Variants in PPP6R3 observed in about 807,000 individuals in gnomAD.
PPP6R3 encodes serine/threonine-protein phosphatase 6 regulatory subunit 3.
In PPP6R3, 38 loss-of-function variants were observed where a neutral mutation model predicts 110.7. That is an observed-to-expected ratio of 0.34 (90% CI 0.26 to 0.45). The LOEUF (loss-of-function observed/expected upper bound fraction) is 0.45, where lower values mean the gene tolerates loss of function less well. Among genes scored for constraint, PPP6R3 ranks in the 20% least tolerant of loss-of-function variants. The pLI, the probability that PPP6R3 is intolerant of heterozygous loss-of-function variation, is 1.00. For missense variants in PPP6R3, 870 were observed against 1,062.4 expected, an observed-to-expected ratio of 0.82 and a Z score of 2.52; for synonymous variants, 369 against 373.5, an observed-to-expected ratio of 0.99 and a Z score of 0.14.
At chr11:68,609,759 G>A (rs973237847) in intron 22 of PPP6R3, 145 bp from the exon 23 acceptor site, 114 of 1,549,090 alleles carry the variant, frequency 7.4e-5, no homozygotes, top group African/African-American at 1.4e-4. Context: ...TTGTGTGATC[G>A]TGCACCCTGC....
intron 21 of PPP6R3, among the ~76,000 whole-genome samples, chr11:68,603,103 A>G (rs943703253): frequency 7.9e-5 from 12 of 151,340 alleles, no homozygotes; most frequent in Non-Finnish European, 1.6e-4. Context: ...GCTGGGAGGG[A>G]TGTAGGCGAC....
intron 1 of PPP6R3, among the ~76,000 whole-genome samples, chr11:68,498,235 AT>A (rs1264001348): frequency 1.3e-5 from 2 of 152,206 alleles, no homozygotes; most frequent in Non-Finnish European, 2.9e-5. Flanking sequence ...ATGTTAATAC[AT>A]TTTAAAACTT....
At chr11:68,534,047 T>TA (rs1329203715) in intron 2 of PPP6R3, among the ~76,000 whole-genome samples, 1 of 152,168 alleles carries the variant, frequency 6.6e-6, no homozygotes, top group Non-Finnish European at 1.5e-5. Flanking sequence ...TTTAGCTAGA[T>TA]ACAGGTGAAG....
chr11:68,477,659 C>T (rs966259572), intron 1 of PPP6R3, among the ~76,000 whole-genome samples: 4 of 146,030 alleles, frequency 2.7e-5, no homozygotes, highest in South Asian at 2.2e-4. Context: ...CCCAAGAGGT[C>T]GAGGCTGCAG....
In PPP6R3 at chr11:68,567,134, C is replaced by G. The variant is rs1187815394; in HGVS notation, c.1096C>G (p.Leu366Val). The change falls in exon 10 of 24, where the codon CTT becomes GTT. Residue 366 changes from leucine to valine, a missense_variant. By Grantham distance (32) the Leu-to-Val change is conservative. Transcript: ENST00000393800. ...CAATACCAGCAGTATAAATGGGGAC[C>G]TTATGGAGCTGAATAGCATTGGAGT... ...QTNTSSINGDLMELNSIGVIL... is the reference protein window; with the variant it reads ...QTNTSSINGDVMELNSIGVIL... 6.4e-7 allele frequency: 1 copy of G among 1,550,436 alleles called. No homozygotes were observed. The highest frequency in any genetic ancestry group is 1.4e-5 in the African/African-American group (1 of 72,988).
At chr11:68,574,904 G>T (rs1236948408) in intron 13 of PPP6R3, among the ~76,000 whole-genome samples, 2 of 152,150 alleles carry the variant, frequency 1.3e-5, no homozygotes, top group African/African-American at 4.8e-5. Flanking sequence ...AACATCCATG[G>T]TACAGAATTT....
At position 68,537,875 on chromosome 11, in the gene PPP6R3, G is replaced by C. The variant is rs2099278560; in HGVS notation, c.211G>C (p.Glu71Gln). The stretch of plus-strand genomic sequence containing the variant: ...AGAAGAACCACCTCAAGACATGGAT[G>C]AAAAGATCAGATACAAGTAAGACAA... ...IIEEPPQDMD[E>Q]KIRYKYPNIS... The change falls in exon 3 of 24, where the codon GAA becomes CAA. Residue 71 changes from glutamate to glutamine, a missense_variant. Glu to Gln is a conservative substitution (Grantham distance 29). Transcript: ENST00000393800. 2.5e-6 allele frequency: 4 copies of C among 1,607,692 alleles called. No homozygotes were observed. Among genetic ancestry groups the C allele is most frequent in the African/African-American group, 1.3e-5 (1 of 74,732 alleles).
rs778173796 is a variant in PPP6R3, at chr11:68,614,880, A to G, written c.*1763A>G. On this transcript the variant is annotated 3_prime_UTR_variant, in exon 24 of 24. Coordinates refer to ENST00000393800, the MANE Select transcript of PPP6R3 (RefSeq NM_001164161.2). ...GGACCTCGGGGATTACTGGTAGATAATATGCTCTGGTCTCGCCTGGTGGTG... is the reference window on the plus strand; with the variant it reads ...GGACCTCGGGGATTACTGGTAGATAGTATGCTCTGGTCTCGCCTGGTGGTG... The G allele has an allele frequency of 1.2e-5, 11 of 896,100 alleles. No homozygotes were observed. In the African/African-American group the frequency reaches 1.8e-4, roughly 15 times the overall value. 55.5% of individuals were successfully genotyped at this position (896,100 alleles called of 1,614,324 possible).
intron 1 of PPP6R3, among the ~76,000 whole-genome samples, chr11:68,492,003 C>G (rs1565386136): frequency 6.6e-6 from 1 of 152,226 alleles, no homozygotes; most frequent in African/African-American, 2.4e-5. Flanking sequence ...CCCGCCCAGA[C>G]CCTGGCAACT....
chr11:68,476,017 G>T (rs1024403555), intron 1 of PPP6R3, among the ~76,000 whole-genome samples: 27 of 151,840 alleles, frequency 1.8e-4, no homozygotes, highest in African/African-American at 5.6e-4. Context: ...CATCCCAGAC[G>T]ATGGGCGGCC....
chr11:68,539,385 G>A lies in PPP6R3; in HGVS notation c.227+1494G>A, dbSNP rs560620895. Among the ~76,000 whole-genome samples the A allele has an allele frequency of 9.2e-5, 14 of 152,236 alleles. No individual in the cohort carries two copies. In the East Asian group the frequency reaches 1.2e-3, roughly 13 times the overall value. On this transcript the variant is annotated intron_variant, in intron 3 of 23. Transcript: ENST00000393800. ...GGCTTACTTTCCACAAAAGTACTGC[G>A]CACCCCCCGCCGTTATAACAGTGTG... is the stretch of plus-strand genomic sequence containing the variant.
chr11:68,572,595 ATCC>A (rs979615092), intron 12 of PPP6R3, among the ~76,000 whole-genome samples: 1 of 152,048 alleles, frequency 6.6e-6, no homozygotes, highest in African/African-American at 2.4e-5. Flanking sequence ...GATGCCTGTA[ATCC>A]CACTGCTTTG....
At chr11:68,475,141 T>C (rs989977004) in intron 1 of PPP6R3, among the ~76,000 whole-genome samples, 1 of 151,868 alleles carries the variant, frequency 6.6e-6, no homozygotes, top group Admixed American at 6.6e-5. Flanking sequence ...TGCCTTCAAG[T>C]ATCTGTTTAA....
chr11:68,559,408 G>A (rs916279542), intron 8 of PPP6R3, among the ~76,000 whole-genome samples: 6 of 152,150 alleles, frequency 3.9e-5, no homozygotes, highest in Admixed American at 2.6e-4. Flanking sequence ...TAAGTTTTCC[G>A]GGATTGTGTG....
chr11:68,461,654 C>T (rs1027922864), intron 1 of PPP6R3, among the ~76,000 whole-genome samples: 2 of 152,030 alleles, frequency 1.3e-5, no homozygotes, highest in African/African-American at 2.4e-5. Flanking sequence ...TTGGATGTAC[C>T]TCCGTGCCCT....
intron 2 of PPP6R3, among the ~76,000 whole-genome samples, chr11:68,520,724 G>A (rs1245627109): frequency 2.0e-5 from 3 of 152,110 alleles, no homozygotes; most frequent in Non-Finnish European, 4.4e-5. Context: ...AGAATTCTCT[G>A]CAAGTATTCA....
chr11:68,476,332 G>T (rs1034495394), intron 1 of PPP6R3, among the ~76,000 whole-genome samples: 7 of 152,084 alleles, frequency 4.6e-5, no homozygotes, highest in African/African-American at 1.7e-4. Context: ...GCGTGGCGGC[G>T]CACGCCTGCA....
At chr11:68,609,499 C>T (rs1483397282) in intron 22 of PPP6R3, 4 of 1,187,858 alleles carry the variant, frequency 3.4e-6, no homozygotes, top group Non-Finnish European at 4.9e-6. Context: ...ACCGAGTCTG[C>T]AGTTTTGCTT....
intron 12 of PPP6R3, among the ~76,000 whole-genome samples, chr11:68,571,803 T>C (rs558802401): frequency 4.5e-4 from 68 of 152,298 alleles, no homozygotes; most frequent in African/African-American, 1.6e-3. Flanking sequence ...ATAATTCTCA[T>C]ATGGTAAAGC....
Sources: gnomAD v4.1 joint callset for allele counts (sites outside exome capture counted in the v4.1 genomes callset) on GRCh38, gnomAD v4.1.1 for gene constraint, MANE v1.5 for transcripts, NCBI Gene and HGNC (gene_info 2026-07-23, HGNC 2026-07-21) for gene names.